TTC33: variants seen among roughly 807,000 people sequenced by gnomAD.
TTC33 encodes the protein tetratricopeptide repeat domain 33, also known as tetratricopeptide repeat protein 33.
Under a neutral mutation model 29.4 loss-of-function variants are expected in TTC33, and 24 were observed. That is an observed-to-expected ratio of 0.82 (90% CI 0.59 to 1.15). TTC33 has a LOEUF of 1.15. Among genes scored for constraint, TTC33 ranks in the 50% most tolerant of loss-of-function variants. The pLI is 0.00. For missense variants in TTC33, 286 were observed against 310.4 expected (o/e 0.92, Z 0.59); for synonymous variants, 107 against 100.3 (o/e 1.07, Z -0.40).
At chr5:40,744,732 A>AGTGTAAG (rs1432384382) in intron 2 of TTC33, among the ~76,000 whole-genome samples, 4 of 152,214 alleles carry the variant, frequency 2.6e-5, no homozygotes, top group Admixed American at 2.6e-4. Context: ...TCAAATCAAC[A>AGTGTAAG]ATTCTTATAC....
At chr5:40,742,869 A>G (rs1484028335) in intron 2 of TTC33, among the ~76,000 whole-genome samples, 1 of 152,182 alleles carries the variant, frequency 6.6e-6, no homozygotes, top group Non-Finnish European at 1.5e-5. Flanking sequence ...TTCTATAGAT[A>G]TCATGCAGTA....
intron 1 of TTC33, among the ~76,000 whole-genome samples, chr5:40,748,715 T>G (rs1742844146): frequency 6.6e-6 from 1 of 152,242 alleles, no homozygotes; most frequent in Admixed American, 6.5e-5. Flanking sequence ...AGTTGAATGA[T>G]GAGTACATAG....
chr5:40,747,006 C>T lies in TTC33; in HGVS notation c.13G>A (p.Gly5Arg). 1.9e-6 allele frequency: 3 copies of T among 1,608,538 alleles called. No homozygotes were observed. The highest frequency in any genetic ancestry group is 1.7e-5 in the Admixed American group (1 of 58,552). MASF[G>R]WKRKIGEKVS... ...TTCTCACCAATTTTCCTCTTCCACCCAAAGGAAGCCATTCTGGAAAATTAC... is the reference window on the plus strand; with the variant it reads ...TTCTCACCAATTTTCCTCTTCCACCTAAAGGAAGCCATTCTGGAAAATTAC... The change falls in exon 2 of 5, where the codon GGG becomes AGG. Residue 5 changes from glycine (G) to arginine (R), a missense_variant. Coordinates refer to ENST00000337702, the MANE Select transcript of TTC33 (RefSeq NM_012382.3).
chr5:40,747,180 C>T (rs533216533), intron 1 of TTC33, among the ~76,000 whole-genome samples, 161 bp from the exon 2 acceptor site: 2 of 152,026 alleles, frequency 1.3e-5, no homozygotes, highest in Non-Finnish European at 2.9e-5. Flanking sequence ...GCCTCAGCCT[C>T]CCGAATAGCT....
chr5:40,730,397 T>A (rs1247091780), intron 2 of TTC33, 54 bp from the exon 3 acceptor site: 2 of 1,470,500 alleles, frequency 1.4e-6, no homozygotes, highest in Non-Finnish European at 1.9e-6. Flanking sequence ...TTTTTTGGAC[T>A]TTCAAAAAAA....
At chr5:40,723,564 T>TCA (rs1400991343) in intron 4 of TTC33, among the ~76,000 whole-genome samples, 2 of 149,744 alleles carry the variant, frequency 1.3e-5, no homozygotes, top group African/African-American at 4.9e-5. Context: ...ATGGGTATTA[T>TCA]CACACACACA....
Position 40,754,190 on chromosome 5 carries a change from C to T in TTC33, c.-2+1634G>A, listed in dbSNP as rs568630497. On this transcript the variant is annotated intron_variant, in intron 1 of 4. Transcript: ENST00000337702. Reference sequence around the variant, plus strand: ...GTTTGAGCCATTCTCCTCCACAGATCCCTTGAGACCTAGAGATCAGGGGCT... The same window carrying T: ...GTTTGAGCCATTCTCCTCCACAGATTCCTTGAGACCTAGAGATCAGGGGCT... 1.6e-4 allele frequency among the ~76,000 whole-genome samples: 25 copies of T among 152,268 alleles called. 1 individual carries two copies. The South Asian group carries it at 4.6e-3, about 28-fold the overall frequency.
At chr5:40,746,763 C>T in intron 2 of TTC33, 35 bp downstream of exon 2, 1 of 1,500,498 alleles carries the variant, frequency 6.7e-7, no homozygotes, top group East Asian at 2.3e-5. Flanking sequence ...AAAATGTAAG[C>T]TCTTCTCCAT....
intron 4 of TTC33, among the ~76,000 whole-genome samples, chr5:40,723,870 A>AAAAC (rs201676877): frequency 1.3e-5 from 2 of 152,186 alleles, no homozygotes; most frequent in African/African-American, 4.8e-5. Flanking sequence ...CTCTCAAAAA[A>AAAAC]AAACAAACAA....
rs1164887852 is a variant in TTC33, at chr5:40,738,539, CAATAAAATAAAATAA to C, written c.222-8211_222-8197del. ...CAATAAAATAAAATACAATAAAATA[CAATAAAATAAAATAA>C]AATAAAATAAAATATAAAATAAAAT... On this transcript the variant is annotated intron_variant, in intron 2 of 4. Transcript: ENST00000337702. Among the ~76,000 whole-genome samples, 677 of 67,498 alleles carry C rather than the reference CAATAAAATAAAATAA, an allele frequency of 0.01. 34 individuals carry two copies. In the East Asian group the frequency reaches 0.23, roughly 23 times the overall value. The allele number at this position is 67,498 out of a possible 152,430, so 44.3% of individuals were successfully genotyped here.
intron 1 of TTC33, among the ~76,000 whole-genome samples, chr5:40,751,005 A>G (rs1334660031): frequency 6.6e-6 from 1 of 152,212 alleles, no homozygotes; most frequent in African/African-American, 2.4e-5. Flanking sequence ...TGAAGGTTGT[A>G]ATCAACTTCT....
intron 2 of TTC33, among the ~76,000 whole-genome samples, chr5:40,738,554 AAAT>A (rs1742618558): frequency 8.2e-6 from 1 of 122,042 alleles, no homozygotes; most frequent in African/African-American, 2.7e-5. Context: ...AAATAAAATA[AAAT>A]AAAATAAAAT....
chr5:40,725,374 C>T (rs1468500579), intron 4 of TTC33, among the ~76,000 whole-genome samples: 1 of 151,804 alleles, frequency 6.6e-6, no homozygotes, highest in Non-Finnish European at 1.5e-5. Context: ...ATTACAAAAG[C>T]GAAACAATAA....
At chr5:40,726,962 C>T (rs1483899448) in intron 4 of TTC33, among the ~76,000 whole-genome samples, 1 of 152,028 alleles carries the variant, frequency 6.6e-6, no homozygotes, top group Non-Finnish European at 1.5e-5. Context: ...GTTGACAGTG[C>T]TAAATGGCAA....
At chr5:40,753,389 A>G (rs1190509497) in intron 1 of TTC33, among the ~76,000 whole-genome samples, 1 of 151,998 alleles carries the variant, frequency 6.6e-6, no homozygotes, top group Non-Finnish European at 1.5e-5. Flanking sequence ...AGAAAGAAAG[A>G]AAGAAAGAAA....
intron 1 of TTC33, among the ~76,000 whole-genome samples, chr5:40,748,911 G>A (rs1742847364): frequency 6.6e-6 from 1 of 152,154 alleles, no homozygotes; most frequent in African/African-American, 2.4e-5. Context: ...AAGGCCAGTG[G>A]ATCATTTGAG....
intron 2 of TTC33, among the ~76,000 whole-genome samples, chr5:40,741,825 C>T (rs923502369): frequency 6.6e-6 from 1 of 152,052 alleles, no homozygotes; most frequent in Non-Finnish European, 1.5e-5. Context: ...CCCATCTCTA[C>T]TAAAATTACA....
chr5:40,720,240 A>G (rs1742096063), intron 4 of TTC33, among the ~76,000 whole-genome samples: 1 of 152,194 alleles, frequency 6.6e-6, no homozygotes, highest in African/African-American at 2.4e-5. Context: ...ATGTGAAGTA[A>G]GAGTCCAAAG....
chr5:40,734,693 C>T (rs1307188211), intron 2 of TTC33, among the ~76,000 whole-genome samples: 3 of 152,186 alleles, frequency 2.0e-5, no homozygotes, highest in Non-Finnish European at 4.4e-5. Flanking sequence ...ACAGCTTATT[C>T]ACTTTATAAA....
Sources: allele counts gnomAD v4.1 joint callset (sites outside exome capture counted in the v4.1 genomes callset), GRCh38; gene constraint gnomAD v4.1.1; transcripts MANE v1.5; gene names NCBI Gene and HGNC (gene_info 2026-07-23, HGNC 2026-07-21).